Variants in COL8A1 observed in about 807,000 individuals in gnomAD.
The protein encoded by COL8A1 is collagen type VIII alpha 1 chain, also known as collagen alpha-1(VIII) chain.
COL8A1 carries 21 observed loss-of-function variants against 42.7 expected under a neutral mutation model. That is an observed-to-expected ratio of 0.49 (90% CI 0.35 to 0.71). COL8A1 has a LOEUF of 0.71. COL8A1 is among the 30% of genes least tolerant of loss of function. The pLI is 0.01. For missense variants in COL8A1, 788 were observed against 962.4 expected (o/e 0.82, Z 2.40); for synonymous variants, 367 against 369.1 (o/e 0.99, Z 0.06).
intron 1 of COL8A1, among the ~76,000 whole-genome samples, chr3:99,661,544 A>G (rs1052049337): frequency 1.4e-4 from 22 of 152,224 alleles, no homozygotes; most frequent in African/African-American, 5.1e-4. Context: ...TACAGCTGCT[A>G]CGAAAGACAT....
intron 1 of COL8A1, among the ~76,000 whole-genome samples, chr3:99,684,024 G>A (rs1173639817): frequency 6.6e-6 from 1 of 152,158 alleles, no homozygotes; most frequent in African/African-American, 2.4e-5. Context: ...ACACTGTTCA[G>A]AGCGGTCAAG....
At chr3:99,717,619 G>T (rs565486683) in intron 1 of COL8A1, among the ~76,000 whole-genome samples, 15 of 151,970 alleles carry the variant, frequency 9.9e-5, no homozygotes, top group Admixed American at 5.9e-4. Flanking sequence ...AGCCCTCACC[G>T]AATTAAGTAG....
At chr3:99,652,463 C>T (rs1937876437) in intron 1 of COL8A1, among the ~76,000 whole-genome samples, 1 of 152,126 alleles carries the variant, frequency 6.6e-6, no homozygotes, top group Non-Finnish European at 1.5e-5. Flanking sequence ...TTCTTTATAT[C>T]ATTAATATCG....
intron 1 of COL8A1, among the ~76,000 whole-genome samples, chr3:99,693,217 G>A (rs552221328): frequency 1.1e-4 from 16 of 152,114 alleles, no homozygotes; most frequent in Admixed American, 7.2e-4. Context: ...CAAAAGTATC[G>A]CACATGTAAT....
chr3:99,764,670 CA>C (rs1474059217), intron 2 of COL8A1, among the ~76,000 whole-genome samples: 1 of 149,496 alleles, frequency 6.7e-6, no homozygotes, highest in African/African-American at 2.5e-5. Flanking sequence ...AGCTTTCAGT[CA>C]GGCAGATTTT....
intron 1 of COL8A1, among the ~76,000 whole-genome samples, chr3:99,701,113 G>A (rs1033484099): frequency 5.3e-5 from 8 of 152,322 alleles, no homozygotes; most frequent in Admixed American, 2.6e-4. Flanking sequence ...ACAGCTCACT[G>A]AGAGAGCATC....
At position 99,796,743 on chromosome 3, in the gene COL8A1, C is replaced by T. The variant is rs1407380123; in HGVS notation, c.*607C>T. On this transcript the variant is annotated 3_prime_UTR_variant, in exon 4 of 4. Transcript: ENST00000652472. ...TGTGTCTTTTAGTAACAGGAGTCCT[C>T]GTCAGAATTGCGTGTCTGTTGTCTC... The T allele has an allele frequency of 6.6e-6, 1 of 152,156 alleles. No homozygotes were observed. Among genetic ancestry groups the T allele is most frequent in the Non-Finnish European group, 1.5e-5 (1 of 68,042 alleles). The allele number at this position is 152,156 out of a possible 1,614,324, so 9.4% of individuals were successfully genotyped here.
At chr3:99,723,003 TTGTGTGTG>T (rs34062497) in intron 1 of COL8A1, among the ~76,000 whole-genome samples, 6 of 147,186 alleles carry the variant, frequency 4.1e-5, no homozygotes, top group African/African-American at 1.0e-4. Flanking sequence ...GAGACCAAAG[TTGTGTGTG>T]TGTGTGTGTG....
At chr3:99,785,583 T>C (rs1164540122) in intron 2 of COL8A1, among the ~76,000 whole-genome samples, 2 of 152,296 alleles carry the variant, frequency 1.3e-5, no homozygotes, top group African/African-American at 4.8e-5. Context: ...AGAATGCATA[T>C]GTTGAACCTC....
chr3:99,666,841 C>A (rs73858888), intron 1 of COL8A1, among the ~76,000 whole-genome samples: 1 of 152,114 alleles, frequency 6.6e-6, no homozygotes, highest in Non-Finnish European at 1.5e-5. Context: ...TTTGCTCTAC[C>A]AACAAGTTCT....
intron 1 of COL8A1, among the ~76,000 whole-genome samples, chr3:99,658,788 G>C (rs1464029477): frequency 6.6e-6 from 1 of 152,212 alleles, no homozygotes; most frequent in Non-Finnish European, 1.5e-5. Context: ...AACAGTGCAA[G>C]GCGGGAAGAA....
chr3:99,740,561 G>T (rs1053163111), intron 1 of COL8A1, among the ~76,000 whole-genome samples: 13 of 152,122 alleles, frequency 8.5e-5, no homozygotes, highest in Admixed American at 5.9e-4. Flanking sequence ...ATCAGATCCT[G>T]TGAGAACTCA....
intron 2 of COL8A1, among the ~76,000 whole-genome samples, chr3:99,780,714 T>C (rs1275071255): frequency 6.6e-6 from 1 of 152,234 alleles, no homozygotes; most frequent in Admixed American, 6.5e-5. Flanking sequence ...CCTTAACTGA[T>C]ATATCCTGAA....
chr3:99,691,515 A>G (rs1173931619), intron 1 of COL8A1: 1 of 152,004 alleles, frequency 6.6e-6, no homozygotes, highest in African/African-American at 2.4e-5. Context: ...TTCTTGGAAG[A>G]AATGTAGAAA....
At chr3:99,720,691 G>A (rs899191032) in intron 1 of COL8A1, among the ~76,000 whole-genome samples, 1 of 152,116 alleles carries the variant, frequency 6.6e-6, no homozygotes, top group Non-Finnish European at 1.5e-5. Flanking sequence ...TCTGAGCTCT[G>A]TGTGAATTGG....
chr3:99,652,460 T>C (rs1937876347), intron 1 of COL8A1, among the ~76,000 whole-genome samples: 2 of 152,230 alleles, frequency 1.3e-5, no homozygotes, highest in South Asian at 4.1e-4. Flanking sequence ...AATTTCTTTA[T>C]ATCATTAATA....
chr3:99,696,707 A>C (rs1277171615), intron 1 of COL8A1, among the ~76,000 whole-genome samples: 4 of 152,164 alleles, frequency 2.6e-5, no homozygotes, highest in Non-Finnish European at 5.9e-5. Flanking sequence ...TTACGCAATT[A>C]ATGCAGCATC....
chr3:99,703,559 A>G (rs986290200), intron 1 of COL8A1: 2 of 152,214 alleles, frequency 1.3e-5, no homozygotes, highest in African/African-American at 2.4e-5. Context: ...ACCATGTTGC[A>G]CTTTGTAGAA....
chr3:99,692,605 T>C (rs1939252714), intron 1 of COL8A1, among the ~76,000 whole-genome samples: 1 of 152,242 alleles, frequency 6.6e-6, no homozygotes. Context: ...GCAAGTCAAA[T>C]GTGTTCTTCA....
Sources: allele counts gnomAD v4.1 joint callset (sites outside exome capture counted in the v4.1 genomes callset), GRCh38; gene constraint gnomAD v4.1.1; transcripts MANE v1.5; gene names NCBI Gene and HGNC (gene_info 2026-07-23, HGNC 2026-07-21).